DGKB: variants seen among roughly 807,000 people sequenced by gnomAD.
DGKB encodes 90 kDa diacylglycerol kinase.
DGKB carries 67 observed loss-of-function variants against 114.3 expected under a neutral mutation model. The observed-to-expected ratio is 0.59, with a 90% CI of 0.48 to 0.72. The LOEUF is 0.72. DGKB is among the 30% of genes least tolerant of loss of function. The pLI is 0.00. For synonymous variants in DGKB, 398 were observed against 323.1 expected (o/e 1.23, Z -2.49); for missense variants, 907 against 975.2 (o/e 0.93, Z 0.93).
At chr7:14,593,827 AG>A (rs773988108) in intron 17 of DGKB, among the ~76,000 whole-genome samples, 25 of 150,902 alleles carry the variant, frequency 1.7e-4, no homozygotes, top group Admixed American at 5.3e-4. Context: ...AGTTAAAAAA[AG>A]AAAAAAACAA....
intron 23 of DGKB, among the ~76,000 whole-genome samples, chr7:14,236,884 T>A (rs934172836): frequency 6.0e-5 from 9 of 151,020 alleles, no homozygotes; most frequent in African/African-American, 2.2e-4. Context: ...ATTAAGCACT[T>A]TTTTTTTTCT....
intron 23 of DGKB, among the ~76,000 whole-genome samples, chr7:14,181,315 T>G (rs1342470960): frequency 6.6e-6 from 1 of 152,154 alleles, no homozygotes; most frequent in Non-Finnish European, 1.5e-5. Flanking sequence ...GGTTGTCACT[T>G]TAGTACTGCA....
chr7:14,418,375 A>G lies in DGKB; in HGVS notation c.1835+59786T>C, dbSNP rs1336798651. 7.9e-3 allele frequency among the ~76,000 whole-genome samples: 551 copies of G among 69,770 alleles called. 7 individuals carry two copies. The highest frequency in any genetic ancestry group is 0.025 in the African/African-American group (500 of 20,140). 45.8% of individuals were successfully genotyped at this position (69,770 alleles called of 152,430 possible). A position where few individuals can be genotyped will look rare whatever the true frequency, so the allele number is the denominator to read the frequency against. ...TTCACATATATATGTGTGTGTGTAT[A>G]TATATATATATATATATACACACAC... On this transcript the variant is annotated intron_variant, in intron 21 of 25. Transcript: ENST00000402815.
chr7:14,721,506 TA>T (rs1335975990), intron 5 of DGKB, among the ~76,000 whole-genome samples: 5 of 152,184 alleles, frequency 3.3e-5, no homozygotes, highest in Admixed American at 1.3e-4. Flanking sequence ...CTGTATCATG[TA>T]TTTATCACAT....
At chr7:14,894,819 T>G (rs1781851885) in intron 1 of DGKB, among the ~76,000 whole-genome samples, 1 of 151,580 alleles carries the variant, frequency 6.6e-6, no homozygotes, top group Non-Finnish European at 1.5e-5. Flanking sequence ...TAGAGTACAT[T>G]CAAAGCCAGA....
intron 23 of DGKB, among the ~76,000 whole-genome samples, chr7:14,297,871 A>G (rs1288546393): frequency 6.6e-6 from 1 of 152,184 alleles, no homozygotes; most frequent in African/African-American, 2.4e-5. Flanking sequence ...AGGATACAAA[A>G]TCAATGTGCA....
intron 1 of DGKB, among the ~76,000 whole-genome samples, chr7:14,949,208 A>T (rs78534064): frequency 0.044 from 6,682 of 151,998 alleles, 438 homozygotes; most frequent in African/African-American, 0.15. Flanking sequence ...ATTTATAATA[A>T]GGAAATGCAA....
intron 1 of DGKB, among the ~76,000 whole-genome samples, chr7:14,910,050 T>C (rs145069500): frequency 0.015 from 2,311 of 151,752 alleles, 42 homozygotes; most frequent in African/African-American, 0.053. Flanking sequence ...CCACTAAAAA[T>C]ACAAAAAATT....
At chr7:14,800,207 C>T (rs11973184) in intron 2 of DGKB, among the ~76,000 whole-genome samples, 7 of 152,180 alleles carry the variant, frequency 4.6e-5, no homozygotes, top group South Asian at 4.1e-4. Context: ...TGAGCCACCG[C>T]GCTCGGTCTA....
intron 20 of DGKB, among the ~76,000 whole-genome samples, chr7:14,517,488 G>C (rs549968007): frequency 1.3e-5 from 2 of 151,716 alleles, no homozygotes; most frequent in South Asian, 4.2e-4. Context: ...AAACTAAAGA[G>C]CTTCTGCACA....
chr7:14,224,062 T>C (rs1184671355), intron 23 of DGKB, among the ~76,000 whole-genome samples: 1 of 151,884 alleles, frequency 6.6e-6, no homozygotes, highest in East Asian at 1.9e-4. Context: ...ACTAGATATG[T>C]ATATTAATAT....
chr7:14,573,951 C>G (rs1286448524), intron 20 of DGKB, among the ~76,000 whole-genome samples: 1 of 151,844 alleles, frequency 6.6e-6, no homozygotes, highest in Non-Finnish European at 1.5e-5. Flanking sequence ...ACAAATAAAC[C>G]AATTACAAAG....
At chr7:14,605,306 T>C (rs552779395) in intron 17 of DGKB, among the ~76,000 whole-genome samples, 1 of 150,856 alleles carries the variant, frequency 6.6e-6, no homozygotes, top group African/African-American at 2.4e-5. Context: ...ATAAAATCTA[T>C]ATTCTGTTAC....
rs567138175 is a variant in DGKB, at chr7:14,852,473, A to G, written c.-187-11023T>C. ...TTGGACTTTGCAAAGAGGAATAGCT[A>G]AAATAGTGAAAGTCAAAAAAAAAAC... On this transcript the variant is annotated intron_variant, in intron 1 of 25. Transcript: ENST00000402815. Among the ~76,000 whole-genome samples, 27 of 149,150 alleles carry G rather than the reference A, an allele frequency of 1.8e-4. No homozygotes were observed. In the South Asian group the frequency reaches 5.5e-3, roughly 31 times the overall value.
chr7:14,926,808 TTG>T (rs1784775692), intron 1 of DGKB, among the ~76,000 whole-genome samples: 1 of 152,050 alleles, frequency 6.6e-6, no homozygotes, highest in Admixed American at 6.6e-5. Context: ...CTTTCTTTTT[TTG>T]TGTTTTGTAA....
chr7:14,631,837 C>A (rs2128849683), intron 13 of DGKB, among the ~76,000 whole-genome samples: 1 of 152,084 alleles, frequency 6.6e-6, no homozygotes, highest in African/African-American at 2.4e-5. Context: ...CCATCTTTAT[C>A]ATAATATATA....
chr7:14,273,498 A>G (rs762486418), intron 23 of DGKB, among the ~76,000 whole-genome samples: 2 of 152,230 alleles, frequency 1.3e-5, no homozygotes, highest in South Asian at 2.1e-4. Flanking sequence ...TCATTGTTCT[A>G]TAGTCAGAGC....
chr7:14,280,116 A>C (rs1584905978), intron 23 of DGKB, among the ~76,000 whole-genome samples: 2 of 151,240 alleles, frequency 1.3e-5, no homozygotes, highest in Non-Finnish European at 3.0e-5. Flanking sequence ...CTTTGAAAAA[A>C]ATTTAGAAGA....
intron 21 of DGKB, among the ~76,000 whole-genome samples, chr7:14,358,375 C>T (rs1051906739): frequency 3.9e-5 from 6 of 152,106 alleles, no homozygotes; most frequent in Admixed American, 6.6e-5. Flanking sequence ...TCCACTTGAT[C>T]GAATCGGCTA....
Sources: allele counts gnomAD v4.1 joint callset (sites outside exome capture counted in the v4.1 genomes callset), GRCh38; gene constraint gnomAD v4.1.1; transcripts MANE v1.5; gene names NCBI Gene and HGNC (gene_info 2026-07-23, HGNC 2026-07-21).